PDSS2: variants seen among roughly 807,000 people sequenced by gnomAD.
PDSS2 encodes all trans-polyprenyl-diphosphate synthase PDSS2.
A neutral mutation model predicts 44.5 loss-of-function variants in PDSS2; 31 were observed. That is an observed-to-expected ratio of 0.70 (90% CI 0.52 to 0.94). The LOEUF (loss-of-function observed/expected upper bound fraction) is 0.94, where lower values mean the gene tolerates loss of function less well. PDSS2 is among the 40% of genes least tolerant of loss of function. PDSS2 has a pLI of 0.00. For synonymous variants in PDSS2, 157 were observed against 180.3 expected, an observed-to-expected ratio of 0.87 and a Z score of 1.03; for missense variants, 452 against 482.2, an observed-to-expected ratio of 0.94 and a Z score of 0.59.
intron 2 of PDSS2, among the ~76,000 whole-genome samples, chr6:107,322,915 G>A (rs1326295936): frequency 6.6e-6 from 1 of 152,174 alleles, no homozygotes; most frequent in Non-Finnish European, 1.5e-5. Context: ...TAACTATAGA[G>A]AGGGAGGATG....
intron 2 of PDSS2, among the ~76,000 whole-genome samples, chr6:107,327,118 C>T (rs1777572772): frequency 6.6e-6 from 1 of 152,102 alleles, no homozygotes; most frequent in Admixed American, 6.5e-5. Flanking sequence ...ATATGTGTGT[C>T]CCAGGACACT....
chr6:107,444,068 G>A (rs777261385), intron 1 of PDSS2, among the ~76,000 whole-genome samples: 20 of 151,928 alleles, frequency 1.3e-4, no homozygotes, highest in Non-Finnish European at 2.6e-4. Context: ...TCACTCTGTC[G>A]CCCAGGCTGG....
rs530578809 is a variant in PDSS2 at position 107,156,474 on chromosome 6, G to A, written c.1042-1697C>T. The stretch of plus-strand genomic sequence containing the variant: ...CTCCCAAAGTGCTGGGATTACAGGC[G>A]TGAGCCACCATGCCTGGCCAGTCTG... On this transcript the variant is annotated intron_variant, in intron 7 of 7. Coordinates refer to ENST00000369037, the MANE Select transcript of PDSS2 (RefSeq NM_020381.4). 3.3e-5 allele frequency among the ~76,000 whole-genome samples: 5 copies of A among 152,136 alleles called. No individual in the cohort carries two copies. The East Asian group carries it at 5.8e-4, about 18-fold the overall frequency.
At chr6:107,372,106 C>A (rs1047398699) in intron 1 of PDSS2, among the ~76,000 whole-genome samples, 2 of 152,074 alleles carry the variant, frequency 1.3e-5, no homozygotes, top group Admixed American at 1.3e-4. Context: ...AAGTAATAAC[C>A]ATTTATTATT....
chr6:107,384,427 A>G (rs944482618), intron 1 of PDSS2, among the ~76,000 whole-genome samples: 5 of 152,172 alleles, frequency 3.3e-5, no homozygotes, highest in Middle Eastern at 3.4e-3. Context: ...GATCACCTGA[A>G]GTCAGGAGTT....
intron 1 of PDSS2, among the ~76,000 whole-genome samples, chr6:107,415,400 C>G (rs1780627085): frequency 6.6e-6 from 1 of 152,110 alleles, no homozygotes; most frequent in Admixed American, 6.5e-5. Flanking sequence ...TAGGCACAGA[C>G]AGCATTATAC....
chr6:107,214,001 GA>G (rs1364816698), intron 4 of PDSS2, among the ~76,000 whole-genome samples: 1 of 151,974 alleles, frequency 6.6e-6, no homozygotes, highest in Admixed American at 6.6e-5. Context: ...AAAAAAAGTG[GA>G]AACAGGTAAA....
chr6:107,358,305 G>T (rs543745246), intron 1 of PDSS2, among the ~76,000 whole-genome samples: 7 of 152,106 alleles, frequency 4.6e-5, no homozygotes, highest in African/African-American at 1.4e-4. Flanking sequence ...TCCAAAACAT[G>T]TCCGGTGCCA....
chr6:107,311,934 T>C (rs934339630), intron 2 of PDSS2, among the ~76,000 whole-genome samples: 2 of 152,218 alleles, frequency 1.3e-5, no homozygotes, highest in African/African-American at 4.8e-5. Flanking sequence ...ACCACTAATG[T>C]TTGTACACAC....
intron 2 of PDSS2, among the ~76,000 whole-genome samples, chr6:107,275,059 C>T (rs1377414824): frequency 6.6e-6 from 1 of 152,108 alleles, no homozygotes; most frequent in Non-Finnish European, 1.5e-5. Context: ...GACTTTTTAA[C>T]TTTCAGAATA....
At chr6:107,420,491 C>A (rs752901429) in intron 1 of PDSS2, among the ~76,000 whole-genome samples, 1 of 152,122 alleles carries the variant, frequency 6.6e-6, no homozygotes, top group Non-Finnish European at 1.5e-5. Flanking sequence ...ACAAATAGAC[C>A]AATGGAACAG....
At chr6:107,297,780 C>G (rs939879001) in intron 2 of PDSS2, among the ~76,000 whole-genome samples, 1 of 152,070 alleles carries the variant, frequency 6.6e-6, no homozygotes. Context: ...GAGTCTCACT[C>G]TGTTGCCCAG....
intron 1 of PDSS2, among the ~76,000 whole-genome samples, chr6:107,363,442 A>T (rs1395232859): frequency 2.0e-5 from 3 of 152,000 alleles, no homozygotes; most frequent in Non-Finnish European, 4.4e-5. Context: ...GTGAAGCTGC[A>T]GACCTTCGCG....
At chr6:107,334,510 G>C (rs1430947798) in intron 1 of PDSS2, among the ~76,000 whole-genome samples, 178 bp from the exon 2 acceptor site, 2 of 143,606 alleles carry the variant, frequency 1.4e-5, no homozygotes, top group African/African-American at 5.3e-5. Flanking sequence ...GAAACAACTA[G>C]AGAAATCTAC....
intron 7 of PDSS2, among the ~76,000 whole-genome samples, chr6:107,182,763 C>T (rs1350595214): frequency 6.6e-6 from 1 of 152,122 alleles, no homozygotes; most frequent in African/African-American, 2.4e-5. Context: ...GCAGTGGTTG[C>T]AAAAACTGAC....
intron 1 of PDSS2, among the ~76,000 whole-genome samples, chr6:107,340,642 C>G (rs904759837): frequency 1.5e-4 from 23 of 152,258 alleles, no homozygotes; most frequent in African/African-American, 5.5e-4. Context: ...AAGTTACAAG[C>G]AGCTATCAGT....
At chr6:107,337,454 A>C (rs147366953) in intron 1 of PDSS2, among the ~76,000 whole-genome samples, 1 of 152,340 alleles carries the variant, frequency 6.6e-6, no homozygotes, top group African/African-American at 2.4e-5. Flanking sequence ...AGACAAGCCT[A>C]GGTCTGAAAA....
intron 6 of PDSS2, among the ~76,000 whole-genome samples, chr6:107,197,480 CA>C (rs1211356401): frequency 0.39 from 32,107 of 82,410 alleles, 3,377 homozygotes; most frequent in East Asian, 0.61. Context: ...ACCCCCATCT[CA>C]AAAAAAAAAA....
At chr6:107,361,844 A>G (rs974166972) in intron 1 of PDSS2, among the ~76,000 whole-genome samples, 3 of 152,194 alleles carry the variant, frequency 2.0e-5, no homozygotes, top group Non-Finnish European at 4.4e-5. Flanking sequence ...GAAGAACAAT[A>G]TGAGTTTAAG....
Sources: allele counts gnomAD v4.1 joint callset (sites outside exome capture counted in the v4.1 genomes callset), GRCh38; gene constraint gnomAD v4.1.1; transcripts MANE v1.5; gene names NCBI Gene and HGNC (gene_info 2026-07-23, HGNC 2026-07-21).